Variants in FAM98B observed in about 807,000 individuals in gnomAD.
The protein encoded by FAM98B is tRNA splicing ligase complex subunit 3B.
A neutral mutation model predicts 43.9 loss-of-function variants in FAM98B; 32 were observed. That is an observed-to-expected ratio of 0.73 (90% CI 0.55 to 0.98). The LOEUF (loss-of-function observed/expected upper bound fraction) is 0.98, where lower values mean the gene tolerates loss of function less well. Among genes scored for constraint, FAM98B ranks in the 50% least tolerant of loss-of-function variants. The pLI is 0.00. For synonymous variants in FAM98B, 190 were observed against 174.0 expected (o/e 1.09, Z -0.72); for missense variants, 514 against 522.9 (o/e 0.98, Z 0.17).
rs750510739 is a variant in FAM98B at position 38,481,415 on chromosome 15, A to G, written c.853A>G (p.Ser285Gly). Residue 285 changes from serine to glycine, a missense_variant, in exon 7 of 8, where the codon AGT becomes GGT. Around this residue, in one of 2 missense-constraint regions of FAM98B, gnomAD observed 469 missense variants for 451.8 expected, o/e 1.04. Transcript: ENST00000397609. The stretch of plus-strand genomic sequence containing the variant: ...AGATCTATCCAAGATCATTAGGACA[A>G]GTAGTGGCACCAGCCGGGAGAAGAC... ...REDLSKIIRT[S>G]SGTSREKTAC... is the part of the protein sequence containing the mutation. 6 of 1,614,090 alleles carry G rather than the reference A, an allele frequency of 3.7e-6. No individual in the cohort carries two copies. Among genetic ancestry groups the G allele is most frequent in the Admixed American group, 3.3e-5 (2 of 60,012 alleles).
At chr15:38,471,565 G>A (rs899490916) in intron 4 of FAM98B, among the ~76,000 whole-genome samples, 1 of 152,034 alleles carries the variant, frequency 6.6e-6, no homozygotes, top group Non-Finnish European at 1.5e-5. Context: ...GAAGTAGTCT[G>A]TAATGCCTCG....
At chr15:38,459,695 C>T (rs910540996) in intron 1 of FAM98B, among the ~76,000 whole-genome samples, 3 of 152,178 alleles carry the variant, frequency 2.0e-5, no homozygotes, top group African/African-American at 7.2e-5. Context: ...CCCTGGGCTG[C>T]GAAGCGAGGT....
At chr15:38,481,245 A>G in intron 6 of FAM98B, 47 bp from the exon 7 acceptor site, 1 of 1,495,924 alleles carries the variant, frequency 6.7e-7, no homozygotes. Context: ...TTGCTCTTTC[A>G]TTAAAATGTA....
At chr15:38,481,650 TA>T in intron 7 of FAM98B, 191 bp downstream of exon 7, 1 of 1,461,668 alleles carries the variant, frequency 6.8e-7, no homozygotes. Context: ...TGTGTATTCA[TA>T]AATCAAAGTA....
chr15:38,457,795 C>T (rs1020557365), intron 1 of FAM98B, among the ~76,000 whole-genome samples: 2 of 151,986 alleles, frequency 1.3e-5, no homozygotes, highest in African/African-American at 4.8e-5. Context: ...TCTGAGTGGC[C>T]TGTGCCTCAA....
At chr15:38,475,688 C>T (rs1033055227) in intron 6 of FAM98B, among the ~76,000 whole-genome samples, 1 of 152,130 alleles carries the variant, frequency 6.6e-6, no homozygotes, top group East Asian at 1.9e-4. Flanking sequence ...ACAGATAATA[C>T]AGAATAACCT....
intron 3 of FAM98B, among the ~76,000 whole-genome samples, chr15:38,469,432 G>C (rs1268672541): frequency 6.6e-6 from 1 of 152,142 alleles, no homozygotes; most frequent in Non-Finnish European, 1.5e-5. Flanking sequence ...TGTGTGCTCT[G>C]TACATATAAG....
chr15:38,460,859 A>G (rs553050364), intron 1 of FAM98B, among the ~76,000 whole-genome samples: 7 of 152,230 alleles, frequency 4.6e-5, no homozygotes, highest in Non-Finnish European at 8.8e-5. Flanking sequence ...AGCTAATAAT[A>G]GTATCTACCT....
chr15:38,461,668 A>G (rs926509456), intron 1 of FAM98B, among the ~76,000 whole-genome samples: 2 of 152,154 alleles, frequency 1.3e-5, no homozygotes, highest in Non-Finnish European at 2.9e-5. Flanking sequence ...CTTACCCTTC[A>G]TCTGATATAA....
In FAM98B at chr15:38,454,374, C is replaced by T. The variant is rs1889814616; in HGVS notation, c.71+142C>T. The T allele has an allele frequency of 7.4e-6, 6 of 813,308 alleles. No homozygotes were observed. In the East Asian group the frequency reaches 1.7e-4, roughly 24 times the overall value. 50.4% of individuals were successfully genotyped at this position (813,308 alleles called of 1,614,324 possible). On this transcript the variant is annotated intron_variant, in intron 1 of 7. Coordinates refer to ENST00000397609, the MANE Select transcript of FAM98B (RefSeq NM_173611.4). ...CCTGCCTCGATCCCTCCGGCGCCGA[C>T]GGAGTTAAGCGGGAGGCGGGAGAGA...
At chr15:38,470,484 C>T in intron 4 of FAM98B, 79 bp downstream of exon 4, 1 of 1,275,710 alleles carries the variant, frequency 7.8e-7, no homozygotes, top group Non-Finnish European at 1.1e-6. Flanking sequence ...GAAACTATTC[C>T]CTATAATTAT....
At chr15:38,484,061 G>T (rs535192072) in intron 7 of FAM98B, among the ~76,000 whole-genome samples, 194 bp from the exon 8 acceptor site, 1 of 151,654 alleles carries the variant, frequency 6.6e-6, no homozygotes, top group Admixed American at 6.6e-5. Context: ...GTCTAGCCGT[G>T]ATTTTGTATC....
chr15:38,455,817 C>T (rs1889840074), intron 1 of FAM98B, among the ~76,000 whole-genome samples: 1 of 152,122 alleles, frequency 6.6e-6, no homozygotes, highest in Non-Finnish European at 1.5e-5. Flanking sequence ...AAATTCATTG[C>T]TATAATCTTG....
intron 7 of FAM98B, chr15:38,483,710 T>TATATAC (rs1341458550): frequency 8.0e-5 from 11 of 137,860 alleles, no homozygotes; most frequent in Non-Finnish European, 1.6e-4. Context: ...TATATATATA[T>TATATAC]ACACTAAGGA....
chr15:38,477,244 T>TTTTTTTTTTTTTTTTTTGAGACGG (rs1206637083), intron 6 of FAM98B, among the ~76,000 whole-genome samples: 1 of 151,086 alleles, frequency 6.6e-6, no homozygotes. Flanking sequence ...TGGCAATTCT[T>TTTTTTTTTTTTTTTTTTGAGACGG]AATGCCAACG....
At chr15:38,467,866 T>TA (rs1890062445) in intron 3 of FAM98B, among the ~76,000 whole-genome samples, 1 of 152,232 alleles carries the variant, frequency 6.6e-6, no homozygotes, top group Admixed American at 6.5e-5. Flanking sequence ...ATCTCTAAGA[T>TA]ATGTTGGTAA....
chr15:38,469,572 C>T (rs1166620021), intron 3 of FAM98B, among the ~76,000 whole-genome samples: 2 of 152,074 alleles, frequency 1.3e-5, no homozygotes, highest in East Asian at 3.9e-4. Context: ...ACTTGGCATC[C>T]CCATTGTTCA....
At chr15:38,460,110 C>T (rs1245849637) in intron 1 of FAM98B, among the ~76,000 whole-genome samples, 2 of 152,194 alleles carry the variant, frequency 1.3e-5, no homozygotes, top group Admixed American at 6.5e-5. Flanking sequence ...GAAGTAGTGT[C>T]TGACCAGCAA....
chr15:38,484,417 G>GGTGGGA lies in FAM98B; in HGVS notation c.1062_1067dup (p.Gly355_Arg356insSerGly). 1 of 771,036 alleles carries GGTGGGA rather than the reference G, an allele frequency of 1.3e-6. No homozygotes were observed. Among genetic ancestry groups the GGTGGGA allele is most frequent in the Non-Finnish European group, 1.6e-6 (1 of 636,450 alleles). The allele number at this position is 771,036 out of a possible 1,614,324, so 47.8% of individuals were successfully genotyped here. ...TGGTAGAGGAGGTGGTGGGGGTGGGGGTGGGAGAGGTGGCTGGGGGGGTGG... is the reference window on the plus strand; with the variant it reads ...TGGTAGAGGAGGTGGTGGGGGTGGGGGTGGGAGTGGGAGAGGTGGCTGGGGGGGTGG... On this transcript the variant is annotated inframe_insertion, in exon 8 of 8. Coordinates refer to ENST00000397609, the MANE Select transcript of FAM98B (RefSeq NM_173611.4).
Sources: allele counts gnomAD v4.1 joint callset (sites outside exome capture counted in the v4.1 genomes callset), GRCh38; gene constraint gnomAD v4.1.1; regional missense constraint gnomAD v4.1.1; transcripts MANE v1.5; gene names NCBI Gene and HGNC (gene_info 2026-07-23, HGNC 2026-07-21).